THSD7B: variants seen among roughly 807,000 people sequenced by gnomAD.
THSD7B encodes the protein thrombospondin type 1 domain containing 7B, also known as thrombospondin type-1 domain-containing protein 7B.
In THSD7B, 138 loss-of-function variants were observed where a neutral mutation model predicts 213.6. That is an observed-to-expected ratio of 0.65 (90% CI 0.56 to 0.74). The LOEUF (loss-of-function observed/expected upper bound fraction) is 0.74. THSD7B is among the 30% of genes least tolerant of loss of function. THSD7B has a pLI of 0.00. For synonymous variants in THSD7B, 742 were observed against 687.0 expected (o/e 1.08, Z -1.25); for missense variants, 1,931 against 1,991.5 (o/e 0.97, Z 0.58).
chr2:136,778,894 A>G (rs931882679), intron 1 of THSD7B, among the ~76,000 whole-genome samples: 8 of 152,112 alleles, frequency 5.3e-5, no homozygotes, highest in Non-Finnish European at 1.2e-4. Context: ...TAAGGGAGGA[A>G]TTTGGGCACT....
intron 12 of THSD7B, among the ~76,000 whole-genome samples, chr2:137,295,844 G>A (rs1472267740): frequency 6.6e-6 from 1 of 152,110 alleles, no homozygotes; most frequent in Non-Finnish European, 1.5e-5. Context: ...ATGGTGGCTA[G>A]TTTGTTTTCA....
At chr2:136,974,612 G>T (rs12104770) in intron 2 of THSD7B, among the ~76,000 whole-genome samples, 1 of 152,046 alleles carries the variant, frequency 6.6e-6, no homozygotes, top group Non-Finnish European at 1.5e-5. Flanking sequence ...GTGGGCATAT[G>T]GGGTGATTCC....
At chr2:137,026,344 GA>G (rs1229722480) in intron 2 of THSD7B, among the ~76,000 whole-genome samples, 1 of 152,164 alleles carries the variant, frequency 6.6e-6, no homozygotes, top group African/African-American at 2.4e-5. Context: ...TGCCCTCTCA[GA>G]AGATCTGTCT....
At chr2:137,397,563 G>A (rs903487481) in intron 12 of THSD7B, among the ~76,000 whole-genome samples, 1 of 151,208 alleles carries the variant, frequency 6.6e-6, no homozygotes, top group South Asian at 2.1e-4. Context: ...TCCCTTTGAG[G>A]GTAACCCGAC....
At chr2:137,316,768 A>G (rs1558755573) in intron 12 of THSD7B, among the ~76,000 whole-genome samples, 2 of 126,718 alleles carry the variant, frequency 1.6e-5, no homozygotes, top group African/African-American at 5.8e-5. Context: ...AAAAAAAAAA[A>G]AGAAAAAGAA....
chr2:136,792,939 A>G (rs1681994971), intron 1 of THSD7B, among the ~76,000 whole-genome samples: 1 of 152,014 alleles, frequency 6.6e-6, no homozygotes, highest in African/African-American at 2.4e-5. Context: ...GGTATTGCTG[A>G]GTAGTATTCC....
intron 15 of THSD7B, among the ~76,000 whole-genome samples, chr2:137,483,879 G>A (rs1434110288): frequency 6.6e-6 from 1 of 152,122 alleles, no homozygotes; most frequent in Non-Finnish European, 1.5e-5. Context: ...AAACTTGAGG[G>A]AGCGAGACCT....
chr2:136,804,676 T>C (rs903770267), intron 1 of THSD7B, among the ~76,000 whole-genome samples: 7 of 152,162 alleles, frequency 4.6e-5, no homozygotes, highest in African/African-American at 1.7e-4. Context: ...GAGGAGAGTA[T>C]GGATCCTCCT....
chr2:137,510,008 T>A (rs1573674559), intron 15 of THSD7B, among the ~76,000 whole-genome samples: 1 of 152,202 alleles, frequency 6.6e-6, no homozygotes. Flanking sequence ...AACCTATTTA[T>A]GTCTTTGCAT....
chr2:137,568,499 T>A (rs1558842968), intron 16 of THSD7B, among the ~76,000 whole-genome samples: 1 of 152,172 alleles, frequency 6.6e-6, no homozygotes, highest in Non-Finnish European at 1.5e-5. Context: ...TTCACACTGC[T>A]ATAAAGAAAT....
At chr2:137,528,048 A>G (rs1054896910) in intron 15 of THSD7B, among the ~76,000 whole-genome samples, 6 of 152,164 alleles carry the variant, frequency 3.9e-5, no homozygotes, top group Admixed American at 3.3e-4. Context: ...CTTACAATAG[A>G]AATAACATTG....
At chr2:137,062,181 T>C (rs1037319423) in intron 3 of THSD7B, among the ~76,000 whole-genome samples, 5 of 151,784 alleles carry the variant, frequency 3.3e-5, no homozygotes, top group African/African-American at 7.2e-5. Flanking sequence ...GGATTATTAA[T>C]GATTACCCTT....
chr2:137,040,323 A>G (rs1470863783), intron 2 of THSD7B, among the ~76,000 whole-genome samples: 1 of 151,992 alleles, frequency 6.6e-6, no homozygotes, highest in African/African-American at 2.4e-5. Context: ...TCTAGGTGGA[A>G]GCTAGAGGAA....
At chr2:136,871,349 A>T (rs1296158423) in intron 1 of THSD7B, among the ~76,000 whole-genome samples, 1 of 152,182 alleles carries the variant, frequency 6.6e-6, no homozygotes, top group Non-Finnish European at 1.5e-5. Context: ...GAGTGAGCAA[A>T]GCTAGAGAAG....
chr2:137,302,143 T>A lies in THSD7B; in HGVS notation c.2500+26117T>A, dbSNP rs140704408. On this transcript the variant is annotated intron_variant, in intron 12 of 27. Coordinates refer to ENST00000409968, the MANE Select transcript of THSD7B (RefSeq NM_001316349.2). ...TGAGGGAAAGGTTATTCTGGTACGA[T>A]GAGAGATATAATTTGGGTGGTCATC... is the stretch of plus-strand genomic sequence containing the variant. Among the ~76,000 whole-genome samples, 13 of 152,138 alleles carry A rather than the reference T, an allele frequency of 8.5e-5. No homozygotes were observed. In the East Asian group the frequency reaches 2.3e-3, roughly 27 times the overall value.
intron 2 of THSD7B, among the ~76,000 whole-genome samples, chr2:136,953,386 C>A (rs1397208808): frequency 6.6e-6 from 1 of 152,118 alleles, no homozygotes; most frequent in Non-Finnish European, 1.5e-5. Flanking sequence ...CTATTTTCAG[C>A]CTGGGGACTT....
At position 136,814,051 on chromosome 2, in the gene THSD7B, A is replaced by T. The variant is rs377554659; in HGVS notation, c.-36+48364A>T. ...CCAATATCCCCCTGTGTTCTGTTGC[A>T]TGCACTCTCCAGAACCACCAGTTGG... On this transcript the variant is annotated intron_variant, in intron 1 of 27. Coordinates refer to ENST00000409968, the MANE Select transcript of THSD7B (RefSeq NM_001316349.2). 2.6e-5 allele frequency among the ~76,000 whole-genome samples: 4 copies of T among 152,112 alleles called. No individual in the cohort carries two copies. The East Asian group carries it at 5.8e-4, about 22-fold the overall frequency.
chr2:137,413,738 G>T (rs1686726067), intron 14 of THSD7B, among the ~76,000 whole-genome samples: 1 of 152,134 alleles, frequency 6.6e-6, no homozygotes, highest in Admixed American at 6.5e-5. Flanking sequence ...CAAGGAATAT[G>T]AATATAATTT....
chr2:137,259,687 G>A (rs10928603), intron 10 of THSD7B, among the ~76,000 whole-genome samples: 139,213 of 152,260 alleles, frequency 0.91, 63,688 homozygotes, highest in East Asian at 1. Context: ...TTTTTTGCAC[G>A]GTATTTAATT....
Sources: allele counts gnomAD v4.1 joint callset (sites outside exome capture counted in the v4.1 genomes callset), GRCh38; gene constraint gnomAD v4.1.1; transcripts MANE v1.5; gene names NCBI Gene and HGNC (gene_info 2026-07-23, HGNC 2026-07-21).